The following LCLAT1 variants were observed in gnomAD, a reference collection of about 807,000 sequenced individuals.
LCLAT1 encodes lysocardiolipin acyltransferase 1.
Under a neutral mutation model 30.7 loss-of-function variants are expected in LCLAT1, and 11 were observed. The observed-to-expected ratio is 0.36, with a 90% CI of 0.23 to 0.59. The LOEUF (loss-of-function observed/expected upper bound fraction) is 0.59. Among genes scored for constraint, LCLAT1 ranks in the 20% least tolerant of loss-of-function variants. The pLI, the probability that LCLAT1 is intolerant of heterozygous loss-of-function variation, is 0.77. For synonymous variants in LCLAT1, 155 were observed against 151.3 expected (o/e 1.02, Z -0.18); for missense variants, 402 against 458.6 (o/e 0.88, Z 1.13).
chr2:30,640,040 T>C lies in LCLAT1; in HGVS notation c.629-77T>C, dbSNP rs1572732654. 11 of 1,196,230 alleles carry C rather than the reference T, an allele frequency of 9.2e-6. No individual in the cohort carries two copies. In the East Asian group the frequency reaches 2.1e-4, roughly 23 times the overall value. The allele number at this position is 1,196,230 out of a possible 1,614,324, so 74.1% of individuals were successfully genotyped here. A position where few individuals can be genotyped will look rare whatever the true frequency, so the allele number is the denominator to read the frequency against. ...GTCCTGATTTTTCGGTTTCTGGTGCTGCCCTGCAGTGTGAATCAGCATTAT... is the reference window on the plus strand; with the variant it reads ...GTCCTGATTTTTCGGTTTCTGGTGCCGCCCTGCAGTGTGAATCAGCATTAT... On this transcript the variant is annotated intron_variant, in intron 5 of 5. Coordinates refer to ENST00000379509, the MANE Select transcript of LCLAT1 (RefSeq NM_001002257.3).
chr2:30,612,934 C>T (rs765960702), intron 5 of LCLAT1, among the ~76,000 whole-genome samples: 8 of 151,892 alleles, frequency 5.3e-5, no homozygotes, highest in Admixed American at 6.6e-5. Context: ...ACAATAAGTA[C>T]GTAAAATTTA....
At position 30,568,127 on chromosome 2, in the gene LCLAT1, AC is replaced by A; in HGVS notation, c.580del (p.His194IlefsTer11). 2 of 1,608,828 alleles carry A rather than the reference AC, an allele frequency of 1.2e-6. No homozygotes were observed. The highest frequency in any genetic ancestry group is 1.7e-6 in the Non-Finnish European group (2 of 1,176,982). On this transcript the variant is annotated frameshift_variant, in exon 5 of 6. Coordinates refer to ENST00000379509, the MANE Select transcript of LCLAT1 (RefSeq NM_001002257.3). LOFTEE classifies it high-confidence loss of function. ...GACTTCAGAAATATGAATATGTTTTACATCCAAGAACTACAGGCTTTACTTT... is the reference window on the plus strand; with the variant it reads ...GACTTCAGAAATATGAATATGTTTTAATCCAAGAACTACAGGCTTTACTTT... The part of the protein sequence containing the change: ...NGLQKYEYVL[H>X]PRTTGFTFVV...
At chr2:30,595,127 T>C (rs1400681975) in intron 5 of LCLAT1, among the ~76,000 whole-genome samples, 4 of 152,172 alleles carry the variant, frequency 2.6e-5, no homozygotes, top group Non-Finnish European at 5.9e-5. Flanking sequence ...CAGTTTTCCC[T>C]GTGTTGTCTG....
At chr2:30,474,138 A>C (rs183241221) in intron 1 of LCLAT1, among the ~76,000 whole-genome samples, 5 of 152,336 alleles carry the variant, frequency 3.3e-5, no homozygotes, top group African/African-American at 9.6e-5. Context: ...AATAACCCAC[A>C]AATTTATATG....
chr2:30,614,479 A>T (rs1423116289), intron 5 of LCLAT1, among the ~76,000 whole-genome samples: 3 of 152,140 alleles, frequency 2.0e-5, no homozygotes, highest in Non-Finnish European at 4.4e-5. Context: ...GGTGTGGAGT[A>T]TAAGAAAATG....
At chr2:30,601,831 GATAT>G (rs1558548150) in intron 5 of LCLAT1, among the ~76,000 whole-genome samples, 2 of 151,062 alleles carry the variant, frequency 1.3e-5, no homozygotes, top group African/African-American at 4.9e-5. Context: ...TCTATAGATA[GATAT>G]ATTTATCTAC....
intron 5 of LCLAT1, among the ~76,000 whole-genome samples, chr2:30,582,162 T>C (rs11127278): frequency 0.88 from 132,845 of 151,492 alleles, 58,649 homozygotes; most frequent in African/African-American, 0.97. Flanking sequence ...AATCAGTCAG[T>C]CTCTGTTTCT....
At chr2:30,584,098 C>G (rs981496998) in intron 5 of LCLAT1, among the ~76,000 whole-genome samples, 11 of 152,086 alleles carry the variant, frequency 7.2e-5, no homozygotes, top group Admixed American at 6.6e-4. Flanking sequence ...TTGTTCAACT[C>G]CCACCTATGA....
intron 1 of LCLAT1, 62 bp from the exon 2 acceptor site, chr2:30,525,525 G>A (rs1685671621): frequency 3.1e-6 from 4 of 1,291,804 alleles, no homozygotes; most frequent in Non-Finnish European, 4.5e-6. Context: ...CCATCATCCT[G>A]AAATTGAATT....
intron 3 of LCLAT1, among the ~76,000 whole-genome samples, chr2:30,551,583 T>C (rs1415290701): frequency 6.6e-6 from 1 of 152,214 alleles, no homozygotes; most frequent in Non-Finnish European, 1.5e-5. Flanking sequence ...GACACAAATT[T>C]ATTATATAAC....
intron 1 of LCLAT1, among the ~76,000 whole-genome samples, chr2:30,490,718 CA>C (rs1683797880): frequency 6.6e-6 from 1 of 152,100 alleles, no homozygotes. Context: ...TTGTTTTCAA[CA>C]AATTTAATAC....
rs552263092 is a variant in LCLAT1, at chr2:30,507,661, C to A, written c.-4-17926C>A. On this transcript the variant is annotated intron_variant, in intron 1 of 5. Coordinates refer to ENST00000379509, the MANE Select transcript of LCLAT1 (RefSeq NM_001002257.3). Reference sequence around the variant, plus strand: ...ATGATCTTATTCTTTTTTATGGCTGCATAGTATTCCCTGGTGTATTTGTAC... The same window carrying A: ...ATGATCTTATTCTTTTTTATGGCTGAATAGTATTCCCTGGTGTATTTGTAC... Among the ~76,000 whole-genome samples the A allele has an allele frequency of 6.9e-3, 1,058 of 152,252 alleles. 11 individuals carry two copies. Among genetic ancestry groups the A allele is most frequent in the African/African-American group, 0.024 (990 of 41,538 alleles).
At chr2:30,530,537 A>G (rs147354146) in intron 2 of LCLAT1, among the ~76,000 whole-genome samples, 1 of 152,206 alleles carries the variant, frequency 6.6e-6, no homozygotes, top group Non-Finnish European at 1.5e-5. Context: ...TCCTGGACAC[A>G]TGGTCTTGAT....
At chr2:30,448,979 C>T (rs1442891858) in intron 1 of LCLAT1, among the ~76,000 whole-genome samples, 6 of 152,220 alleles carry the variant, frequency 3.9e-5, no homozygotes, top group Non-Finnish European at 7.3e-5. Flanking sequence ...ATTTATTCCT[C>T]TGCATTCATG....
chr2:30,553,399 A>C (rs111572492), intron 3 of LCLAT1, among the ~76,000 whole-genome samples: 1,926 of 152,314 alleles, frequency 0.013, 31 homozygotes, highest in African/African-American at 0.043. Context: ...TTTTAGAAAG[A>C]AGATGGTGGT....
chr2:30,621,312 C>T (rs1357643430), intron 5 of LCLAT1, among the ~76,000 whole-genome samples: 2 of 152,092 alleles, frequency 1.3e-5, no homozygotes, highest in Non-Finnish European at 2.9e-5. Flanking sequence ...ATTGAGGCCT[C>T]AATCTCCCAT....
In LCLAT1 at chr2:30,641,440, A is replaced by T. The variant is rs1197094734; in HGVS notation, c.*821A>T. 1 of 152,190 alleles carries T rather than the reference A, an allele frequency of 6.6e-6. No individual in the cohort carries two copies. Among genetic ancestry groups the T allele is most frequent in the Non-Finnish European group, 1.5e-5 (1 of 68,038 alleles). 9.4% of individuals were successfully genotyped at this position (152,190 alleles called of 1,614,324 possible). On this transcript the variant is annotated 3_prime_UTR_variant, in exon 6 of 6. Coordinates refer to ENST00000379509, the MANE Select transcript of LCLAT1 (RefSeq NM_001002257.3). ...AAAAATGGTATACATGAAGTCACAT[A>T]CTTTTTTAAAGGAACACTCAGAACA...
At chr2:30,491,261 A>T (rs1683821984) in intron 1 of LCLAT1, among the ~76,000 whole-genome samples, 1 of 152,230 alleles carries the variant, frequency 6.6e-6, no homozygotes, top group African/African-American at 2.4e-5. Flanking sequence ...TATTAATTGA[A>T]ACAATAGATA....
chr2:30,456,519 G>A (rs1681845432), intron 1 of LCLAT1, among the ~76,000 whole-genome samples: 1 of 151,954 alleles, frequency 6.6e-6, no homozygotes, highest in Non-Finnish European at 1.5e-5. Context: ...CCTTGTAAGG[G>A]TGGAAACTTA....
Sources: allele counts gnomAD v4.1 joint callset (sites outside exome capture counted in the v4.1 genomes callset), GRCh38; gene constraint gnomAD v4.1.1; transcripts MANE v1.5; gene names NCBI Gene and HGNC (gene_info 2026-07-23, HGNC 2026-07-21).